Variants in GPSM1 observed in about 807,000 individuals in gnomAD.
GPSM1 encodes the protein G protein signaling modulator 1.
GPSM1 carries 48 observed loss-of-function variants against 70.5 expected under a neutral mutation model. The ratio of observed to expected loss-of-function variants is 0.68; its 90% CI spans 0.54 to 0.87. The LOEUF (loss-of-function observed/expected upper bound fraction) is 0.87. Among genes scored for constraint, GPSM1 ranks in the 40% least tolerant of loss-of-function variants. The probability of loss-of-function intolerance (pLI) is 0.00; values close to 1 mark genes in which losing one functional copy is unlikely to be tolerated. For missense variants in GPSM1, 981 were observed against 972.6 expected (o/e 1.01, Z -0.11); for synonymous variants, 416 against 430.1 (o/e 0.97, Z 0.41).
In GPSM1 at chr9:136,342,595, C is replaced by G. The variant is rs1285893264; in HGVS notation, c.1207+1602C>G. Among the ~76,000 whole-genome samples, 1 of 152,140 alleles carries G rather than the reference C, an allele frequency of 6.6e-6. No individual in the cohort carries two copies. Among genetic ancestry groups the G allele is most frequent in the Non-Finnish European group, 1.5e-5 (1 of 68,004 alleles). On this transcript the variant is annotated intron_variant, in intron 9 of 13. Transcript: ENST00000440944. This position sits in a 1 kb window ranked among gnomAD's most constrained non-coding sequence, Gnocchi z 5.5. Reference sequence around the variant, plus strand: ...TGGGAGGCAGGCTGCACACCTAGAGCCTGGGCGGCCCTGGGTGAGACCCCG... The same window carrying G: ...TGGGAGGCAGGCTGCACACCTAGAGGCTGGGCGGCCCTGGGTGAGACCCCG...
chr9:136,350,149 T>C (rs551863268), intron 11 of GPSM1, among the ~76,000 whole-genome samples: 2 of 152,300 alleles, frequency 1.3e-5, no homozygotes, highest in African/African-American at 2.4e-5. Context: ...CCCTCCTTTG[T>C]TGGGACCCTC....
intron 8 of GPSM1, among the ~76,000 whole-genome samples, 153 bp downstream of exon 8, chr9:136,339,968 A>G (rs1832347312): frequency 7.3e-6 from 1 of 136,156 alleles, no homozygotes; most frequent in African/African-American, 3.2e-5. Flanking sequence ...AGGCCTGGTG[A>G]TGACATGTCT....
In GPSM1 at chr9:136,341,631, G is replaced by C. The variant is rs962142720; in HGVS notation, c.1207+638G>C. ...GGTGGGTGAGGGGCAGGCTTGGGGG[G>C]AGCAGCTGCCCCACCCATGTGTCCC... On this transcript the variant is annotated intron_variant, in intron 9 of 13. Coordinates refer to ENST00000440944, the MANE Select transcript of GPSM1 (RefSeq NM_001145638.3). The surrounding 1 kb of genome is among the most constrained non-coding windows in gnomAD (Gnocchi z 6.7). 35 of 1,006,096 alleles carry C rather than the reference G, an allele frequency of 3.5e-5. No homozygotes were observed. Among genetic ancestry groups the C allele is most frequent in the Non-Finnish European group, 2.3e-5 (19 of 841,784 alleles). 62.3% of individuals were successfully genotyped at this position (1,006,096 alleles called of 1,614,324 possible).
Position 136,339,734 on chromosome 9 carries a change from C to T in GPSM1, c.1002C>T (p.Ser334=). 3 of 1,550,156 alleles carry T rather than the reference C, an allele frequency of 1.9e-6. No homozygotes were observed. The highest frequency in any genetic ancestry group is 1.7e-4 in the Middle Eastern group (1 of 5,968). The change falls in exon 8 of 14, where the codon AGC becomes AGT. Residue 334 remains serine, a synonymous_variant. Coordinates refer to ENST00000440944, the MANE Select transcript of GPSM1 (RefSeq NM_001145638.3). The part of the protein sequence containing the change: ...DRVGEGRACW[S]LGNAYVSMGR... ...TGGGCGAGGGCCGGGCGTGCTGGAG[C>T]CTGGGAAATGCCTACGTGTCCATGG...
rs1313711875 is a variant in GPSM1, at chr9:136,343,761, C to G, written c.1207+2768C>G. On this transcript the variant is annotated intron_variant, in intron 9 of 13. Coordinates refer to ENST00000440944, the MANE Select transcript of GPSM1 (RefSeq NM_001145638.3). This position sits in a 1 kb window ranked among gnomAD's most constrained non-coding sequence, Gnocchi z 6.0. Reference sequence around the variant, plus strand: ...TGAGAGGCCAGCGAGCCTGAGGGCCCGTAAGCCTGTTGCGTTCGGGCCCTG... The same window carrying G: ...TGAGAGGCCAGCGAGCCTGAGGGCCGGTAAGCCTGTTGCGTTCGGGCCCTG... Among the ~76,000 whole-genome samples the G allele has an allele frequency of 1.3e-5, 2 of 152,174 alleles. No homozygotes were observed. The highest frequency in any genetic ancestry group is 2.9e-5 in the Non-Finnish European group (2 of 68,040).
chr9:136,333,493 CAGGGCT>C (rs1165230151), intron 1 of GPSM1, among the ~76,000 whole-genome samples: 2 of 151,940 alleles, frequency 1.3e-5, no homozygotes, highest in Non-Finnish European at 2.9e-5. Flanking sequence ...CCTCGGTGAG[CAGGGCT>C]AGGGTGGCAG....
Position 136,356,385 on chromosome 9 carries a change from C to T in GPSM1, c.1656C>T (p.Phe552=), listed in dbSNP as rs781804913. 12 of 1,608,006 alleles carry T rather than the reference C, an allele frequency of 7.5e-6. No homozygotes were observed. The highest frequency in any genetic ancestry group is 4.5e-5 in the East Asian group (2 of 44,732). ...CCTCGCCCCAGACCGAGGAATTCTT[C>T]GACCTCATCGCCAGCTCCCAGAGCC... ...MTASPQTEEF[F]DLIASSQSRR... Residue 552 remains phenylalanine, a synonymous_variant, in exon 13 of 14, where the codon TTC becomes TTT. Coordinates refer to ENST00000440944, the MANE Select transcript of GPSM1 (RefSeq NM_001145638.3).
At chr9:136,351,396 CCTGCCCTGTCCACAGCTGGGT>C (rs1441226121) in intron 11 of GPSM1, among the ~76,000 whole-genome samples, 22 of 152,196 alleles carry the variant, frequency 1.4e-4, no homozygotes, top group Middle Eastern at 3.4e-3. Context: ...CACAGCTGGC[CCTGCCCTGTCCACAGCTGGGT>C]CTGCCCTGTC....
chr9:136,329,505 G>A (rs1005784682), intron 1 of GPSM1, among the ~76,000 whole-genome samples: 6 of 152,190 alleles, frequency 3.9e-5, no homozygotes, highest in South Asian at 2.1e-4. Flanking sequence ...TGCTGGGGGC[G>A]GCCCACCTGC....
At chr9:136,328,077 G>A (rs1342045303) in intron 1 of GPSM1, among the ~76,000 whole-genome samples, 1 of 152,158 alleles carries the variant, frequency 6.6e-6, no homozygotes, top group Non-Finnish European at 1.5e-5. Context: ...TCCCAAGCCT[G>A]GCCCTGCCAT....
intron 5 of GPSM1, 47 bp from the exon 6 acceptor site, chr9:136,337,799 C>T: frequency 6.9e-7 from 1 of 1,441,672 alleles, no homozygotes; most frequent in Non-Finnish European, 9.7e-7. Flanking sequence ...CCACGTCAGG[C>T]CCCGGGGCTG....
Position 136,341,921 on chromosome 9 carries a change from G to A in GPSM1, c.1207+928G>A. On this transcript the variant is annotated intron_variant, in intron 9 of 13. Coordinates refer to ENST00000440944, the MANE Select transcript of GPSM1 (RefSeq NM_001145638.3). This position sits in a 1 kb window ranked among gnomAD's most constrained non-coding sequence, Gnocchi z 6.7. ...CCATCTCGGCTTCCAGAAGTGCTGG[G>A]ATTATAGGCGTGAGCCACCGTGCCC... The A allele has an allele frequency of 5.1e-6, 2 of 388,526 alleles. No individual in the cohort carries two copies. Among genetic ancestry groups the A allele is most frequent in the Non-Finnish European group, 7.0e-6 (2 of 284,220 alleles). 24.1% of individuals were successfully genotyped at this position (388,526 alleles called of 1,614,324 possible).
intron 9 of GPSM1, among the ~76,000 whole-genome samples, chr9:136,346,325 C>T (rs1388705009): frequency 2.0e-5 from 3 of 152,214 alleles, no homozygotes; most frequent in African/African-American, 7.2e-5. Flanking sequence ...GGAAGACCAG[C>T]CTGGGCCCCC....
At position 136,340,583 on chromosome 9, in the gene GPSM1, C is replaced by T. The variant is rs537238681; in HGVS notation, c.1084-287C>T. Reference sequence around the variant, plus strand: ...TGCAGCCGGGCGGGGCCGGGCCCCTCGCGCACCGGAGGGCACAGGCCCAAC... The same window carrying T: ...TGCAGCCGGGCGGGGCCGGGCCCCTTGCGCACCGGAGGGCACAGGCCCAAC... On this transcript the variant is annotated intron_variant, in intron 8 of 13. Coordinates refer to ENST00000440944, the MANE Select transcript of GPSM1 (RefSeq NM_001145638.3). The surrounding 1 kb of genome is among the most constrained non-coding windows in gnomAD (Gnocchi z 7.3). Among the ~76,000 whole-genome samples the T allele has an allele frequency of 3.9e-5, 6 of 152,216 alleles. No homozygotes were observed. The South Asian group carries it at 8.3e-4, about 21-fold the overall frequency.
At chr9:136,345,573 T>A (rs1329570008) in intron 9 of GPSM1, among the ~76,000 whole-genome samples, 3 of 152,132 alleles carry the variant, frequency 2.0e-5, no homozygotes, top group South Asian at 4.1e-4. Context: ...GGTGTCCTGG[T>A]GGAGGGCCAG....
intron 1 of GPSM1, among the ~76,000 whole-genome samples, chr9:136,329,719 G>A (rs1832056918): frequency 6.6e-6 from 1 of 152,206 alleles, no homozygotes; most frequent in Admixed American, 6.5e-5. Flanking sequence ...AACTGTGCCT[G>A]GAAAACACAC....
At chr9:136,329,091 A>T (rs1832044792) in intron 1 of GPSM1, among the ~76,000 whole-genome samples, 1 of 152,168 alleles carries the variant, frequency 6.6e-6, no homozygotes, top group Non-Finnish European at 1.5e-5. Context: ...TCCAGGCTAC[A>T]GCTAGAAGCC....
chr9:136,356,251 G>A (rs1832818782), intron 12 of GPSM1, 91 bp from the exon 13 acceptor site: 2 of 1,002,332 alleles, frequency 2.0e-6, no homozygotes, highest in Admixed American at 5.8e-5. Context: ...GCTGGGCTGG[G>A]CTCAGAGGTC....
chr9:136,343,144 C>T lies in GPSM1; in HGVS notation c.1207+2151C>T, dbSNP rs1554770631. ...GGGTCACCACCCTGCCAGCCACTGC[C>T]CTTGTCCAGCTCCTCTGGGTGTGTG... On this transcript the variant is annotated intron_variant, in intron 9 of 13. Transcript: ENST00000440944. The surrounding 1 kb of genome is among the most constrained non-coding windows in gnomAD (Gnocchi z 6.0). Among the ~76,000 whole-genome samples the T allele has an allele frequency of 6.6e-6, 1 of 152,158 alleles. No individual in the cohort carries two copies. The highest frequency in any genetic ancestry group is 1.5e-5 in the Non-Finnish European group (1 of 68,016).
Sources: gnomAD v4.1 joint callset for allele counts (sites outside exome capture counted in the v4.1 genomes callset) on GRCh38, gnomAD v4.1.1 for gene constraint, Gnocchi (gnomAD v3.1) non-coding constraint, MANE v1.5 for transcripts, NCBI Gene and HGNC (gene_info 2026-07-23, HGNC 2026-07-21) for gene names.